DNAH9: variants seen among roughly 807,000 people sequenced by gnomAD.
DNAH9 encodes the protein DNAH9 variant protein.
In DNAH9, 345 loss-of-function variants were observed where a neutral mutation model predicts 471.6. That is an observed-to-expected ratio of 0.73 (90% CI 0.67 to 0.80). The LOEUF (loss-of-function observed/expected upper bound fraction) is 0.80, where lower values mean the gene tolerates loss of function less well. Among genes scored for constraint, DNAH9 ranks in the 30% least tolerant of loss-of-function variants. The probability of loss-of-function intolerance (pLI) is 0.00; values close to 1 mark genes in which losing one functional copy is unlikely to be tolerated. For missense variants in DNAH9, 5,407 were observed against 5,609.2 expected (o/e 0.96, Z 1.15); for synonymous variants, 2,093 against 2,123.6 (o/e 0.99, Z 0.40).
chr17:11,801,559 C>T (rs1176235141), intron 43 of DNAH9, among the ~76,000 whole-genome samples: 4 of 152,030 alleles, frequency 2.6e-5, no homozygotes, highest in African/African-American at 7.2e-5. Flanking sequence ...ATGGTGGCAG[C>T]GTGCACCTGA....
intron 43 of DNAH9, among the ~76,000 whole-genome samples, chr17:11,803,135 C>A (rs1279526674): frequency 6.6e-6 from 1 of 152,154 alleles, no homozygotes; most frequent in East Asian, 1.9e-4. Context: ...CTTAGTAGTA[C>A]CACTTTTCTA....
chr17:11,954,662 G>T (rs1597872034), intron 67 of DNAH9, among the ~76,000 whole-genome samples: 1 of 151,758 alleles, frequency 6.6e-6, no homozygotes, highest in South Asian at 2.1e-4. Flanking sequence ...AAGCCTGTGG[G>T]ACAAGAAATG....
chr17:11,664,781 G>C (rs2073836977), intron 14 of DNAH9, 52 bp from the exon 15 acceptor site: 5 of 1,488,062 alleles, frequency 3.4e-6, no homozygotes, highest in Admixed American at 1.8e-5. Flanking sequence ...GATTACACCA[G>C]TTCTTTCATG....
chr17:11,747,680 C>T lies in DNAH9; in HGVS notation c.6524C>T (p.Pro2175Leu). The T allele has an allele frequency of 6.2e-7, 1 of 1,614,108 alleles. No individual in the cohort carries two copies. The highest frequency in any genetic ancestry group is 8.5e-7 in the Non-Finnish European group (1 of 1,180,024). Reference protein sequence around the residue: ...HKTYQIMKRRPVWTDLNPKAV... With the variant: ...HKTYQIMKRRLVWTDLNPKAV... The stretch of plus-strand genomic sequence containing the variant: ...ACCTATCAGATCATGAAACGGCGCC[C>T]CGTCTGGACTGACCTCAATCCCAAA... Residue 2175 changes from proline (P) to leucine (L), a missense_variant, in exon 32 of 69, where the codon CCC (proline) becomes CTC (leucine). By Grantham distance (98) the Pro-to-Leu change is moderately conservative. Transcript: ENST00000262442.
chr17:11,602,600 C>T (rs1309821014), intron 1 of DNAH9, among the ~76,000 whole-genome samples: 3 of 152,162 alleles, frequency 2.0e-5, no homozygotes, highest in Admixed American at 6.5e-5. Context: ...GCTACCCTTG[C>T]GTGTGTATGA....
chr17:11,756,550 C>G lies in DNAH9; in HGVS notation c.6739-18C>G, dbSNP rs750481283. 1 of 1,492,994 alleles carries G rather than the reference C, an allele frequency of 6.7e-7. No homozygotes were observed. Among genetic ancestry groups the G allele is most frequent in the Non-Finnish European group, 9.3e-7 (1 of 1,069,566 alleles). The allele number at this position is 1,492,994 out of a possible 1,614,324, so 92.5% of individuals were successfully genotyped here. On this transcript the variant is annotated intron_variant, in intron 33 of 68. Coordinates refer to ENST00000262442, the MANE Select transcript of DNAH9 (RefSeq NM_001372.4). ...CTCCCTCCTTCCTCACTGGCATGCCCTTCCCTGTTGTCTCCAGGTGCTGAC... is the reference window on the plus strand; with the variant it reads ...CTCCCTCCTTCCTCACTGGCATGCCGTTCCCTGTTGTCTCCAGGTGCTGAC...
chr17:11,798,430 C>A, intron 43 of DNAH9, among the ~76,000 whole-genome samples: 1 of 69,956 alleles, frequency 1.4e-5, no homozygotes, highest in African/African-American at 6.2e-5. Context: ...AAGACTCTGC[C>A]TCAAAAAAAA....
intron 26 of DNAH9, among the ~76,000 whole-genome samples, chr17:11,710,153 T>C (rs2052047): frequency 0.81 from 123,795 of 152,168 alleles, 54,904 homozygotes; most frequent in Non-Finnish European, 0.98. Context: ...TAAAACTTCA[T>C]AGATTGCTTG....
At chr17:11,923,603 G>A (rs1449849541) in intron 61 of DNAH9, among the ~76,000 whole-genome samples, 3 of 152,166 alleles carry the variant, frequency 2.0e-5, no homozygotes, top group African/African-American at 7.2e-5. Flanking sequence ...GAGCCACTGC[G>A]CCCGGCTCAA....
intron 61 of DNAH9, among the ~76,000 whole-genome samples, chr17:11,915,398 C>T (rs1973915440): frequency 6.6e-6 from 1 of 152,128 alleles, no homozygotes; most frequent in Non-Finnish European, 1.5e-5. Flanking sequence ...GTGGCACGCA[C>T]CTGTAGTCCC....
rs1972710800 is a variant in DNAH9 at position 11,881,258 on chromosome 17, C to T, written c.10651C>T (p.Leu3551Phe). 6.2e-7 allele frequency: 1 copy of T among 1,614,084 alleles called. No individual in the cohort carries two copies. The highest frequency in any genetic ancestry group is 1.3e-5 in the African/African-American group (1 of 74,948). The stretch of plus-strand genomic sequence containing the variant: ...ATGTGAATACAATCCCAAGTTCCGG[C>T]TCATCCTCCACACCAAGCTGGCTAA... ...KECEYNPKFRLILHTKLANPH... is the reference protein window; with the variant it reads ...KECEYNPKFRFILHTKLANPH... Residue 3551 changes from leucine (L) to phenylalanine (F), a missense_variant, in exon 55 of 69, where the codon CTC (leucine) becomes TTC (phenylalanine). Around this residue, in one of 3 missense-constraint regions of DNAH9, gnomAD observed 4,636 missense variants for 4,900.3 expected, o/e 0.95. Coordinates refer to ENST00000262442, the MANE Select transcript of DNAH9 (RefSeq NM_001372.4).
intron 52 of DNAH9, among the ~76,000 whole-genome samples, chr17:11,874,464 G>A (rs966690535): frequency 7.2e-5 from 11 of 152,086 alleles, no homozygotes; most frequent in African/African-American, 1.2e-4. Flanking sequence ...AAGAAAACCC[G>A]TCCAGCCTCT....
intron 58 of DNAH9, among the ~76,000 whole-genome samples, chr17:11,893,136 C>G (rs1225013123): frequency 2.9e-5 from 4 of 136,522 alleles, no homozygotes; most frequent in Non-Finnish European, 4.6e-5. Flanking sequence ...CCTCTCACCC[C>G]CTATATTCCC....
intron 32 of DNAH9, among the ~76,000 whole-genome samples, chr17:11,751,038 A>G (rs1420883779): frequency 1.3e-5 from 2 of 152,064 alleles, no homozygotes. Context: ...GTAAATATAC[A>G]TATAATTTGG....
At chr17:11,617,670 G>A (rs767788610) in intron 5 of DNAH9, 48 bp downstream of exon 5, 49 of 1,389,388 alleles carry the variant, frequency 3.5e-5, no homozygotes, top group Non-Finnish European at 4.4e-5. Flanking sequence ...GGGCTGGTTG[G>A]CATCTAGTCA....
In DNAH9 at chr17:11,891,930, G is replaced by C. The variant is rs369770482; in HGVS notation, c.11266G>C (p.Ala3756Pro). Residue 3756 changes from alanine to proline, a missense_variant, in exon 58 of 69, where the codon GCC becomes CCC. By Grantham distance (27) the Ala-to-Pro change is conservative. Transcript: ENST00000262442. ...TGAGTGTGATAAGCTGACCTACCTT[G>C]CCCAGCTCACCTTTCAGGTAAAAGT... is the stretch of plus-strand genomic sequence containing the variant. ...LFECDKLTYL[A>P]QLTFQILLMN... 3 of 1,613,662 alleles carry C rather than the reference G, an allele frequency of 1.9e-6. No homozygotes were observed. Among genetic ancestry groups the C allele is most frequent in the Non-Finnish European group, 2.5e-6 (3 of 1,179,828 alleles).
chr17:11,712,071 T>A lies in DNAH9; in HGVS notation c.5552+6886T>A, dbSNP rs373157238. ...ATATATAAATATATATATTTGTATA[T>A]ATATAAATATATTTGTATATATATT... On this transcript the variant is annotated intron_variant, in intron 26 of 68. Transcript: ENST00000262442. 5.0e-4 allele frequency among the ~76,000 whole-genome samples: 2 copies of A among 4,028 alleles called. 1 individual carries two copies. The highest frequency in any genetic ancestry group is 1.9e-3 in the Non-Finnish European group (2 of 1,030). 2.6% of individuals were successfully genotyped at this position (4,028 alleles called of 152,430 possible). A position where few individuals can be genotyped will look rare whatever the true frequency, so the allele number is the denominator to read the frequency against.
At position 11,834,893 on chromosome 17, in the gene DNAH9, A is replaced by G. The variant is rs1157042073; in HGVS notation, c.9502A>G (p.Asn3168Asp). Residue 3168 changes from asparagine (N) to aspartate (D), a missense_variant, in exon 49 of 69, where the codon AAC (asparagine) becomes GAC (aspartate). Coordinates refer to ENST00000262442, the MANE Select transcript of DNAH9 (RefSeq NM_001372.4). ...AGCGCAGGCAGCTCTCAACACCCTGAACAAGGTAGGAGGACTGTCTGCCAT... is the reference window on the plus strand; with the variant it reads ...AGCGCAGGCAGCTCTCAACACCCTGGACAAGGTAGGAGGACTGTCTGCCAT... ...TAAQAALNTL[N>D]KTNLTELKSF... is the part of the protein sequence containing the mutation. The G allele has an allele frequency of 1.9e-6, 3 of 1,612,426 alleles. No homozygotes were observed. Among genetic ancestry groups the G allele is most frequent in the African/African-American group, 2.7e-5 (2 of 74,906 alleles).
chr17:11,866,125 GT>G (rs1463882532), intron 50 of DNAH9, among the ~76,000 whole-genome samples: 1 of 151,724 alleles, frequency 6.6e-6, no homozygotes, highest in Non-Finnish European at 1.5e-5. Context: ...TTTCTGCTCT[GT>G]TTTTTCCCCA....
Sources: allele counts gnomAD v4.1 joint callset (sites outside exome capture counted in the v4.1 genomes callset), GRCh38; gene constraint gnomAD v4.1.1; regional missense constraint gnomAD v4.1.1; transcripts MANE v1.5; gene names NCBI Gene and HGNC (gene_info 2026-07-23, HGNC 2026-07-21).